FBLN2: variants seen among roughly 807,000 people sequenced by gnomAD.
FBLN2 encodes the protein fibulin-2.
FBLN2 carries 81 observed loss-of-function variants against 123.7 expected under a neutral mutation model. That is an observed-to-expected ratio of 0.65 (90% confidence interval 0.55 to 0.79). The LOEUF (loss-of-function observed/expected upper bound fraction) is 0.79. Ranked by LOEUF, FBLN2 falls within the 30% of genes least tolerant of loss-of-function variation. The pLI is 0.00. For synonymous variants in FBLN2, 699 were observed against 701.4 expected (o/e 1.00, Z 0.05); for missense variants, 1,603 against 1,681.3 (o/e 0.95, Z 0.81).
chr3:13,606,801 G>A (rs1475181471), intron 2 of FBLN2, among the ~76,000 whole-genome samples: 14 of 150,648 alleles, frequency 9.3e-5, no homozygotes, highest in South Asian at 4.2e-4. Context: ...ACAGGCATGC[G>A]CCACCATGCC....
rs1705788001 is a variant in FBLN2 at position 13,619,884 on chromosome 3, TG to T, written c.2155+58del. Reference sequence around the variant, plus strand: ...TGTGCAAACCTGAGTTGGCCTGTGATGGGGGCCTCCAGGTGGGGGTGGCTGA... The same window carrying T: ...TGTGCAAACCTGAGTTGGCCTGTGATGGGGCCTCCAGGTGGGGGTGGCTGA... On this transcript the variant is annotated intron_variant, in intron 8 of 17. Transcript: ENST00000404922. The T allele has an allele frequency of 2.1e-6, 3 of 1,443,926 alleles. No individual in the cohort carries two copies. The African/African-American group carries it at 4.3e-5, about 21-fold the overall frequency. The allele number at this position is 1,443,926 out of a possible 1,614,324, so 89.4% of individuals were successfully genotyped here. A position where few individuals can be genotyped will look rare whatever the true frequency, so the allele number is the denominator to read the frequency against.
chr3:13,635,960 G>C (rs911596499), intron 16 of FBLN2, among the ~76,000 whole-genome samples: 1 of 152,186 alleles, frequency 6.6e-6, no homozygotes, highest in African/African-American at 2.4e-5. Flanking sequence ...AGAGTGGTCA[G>C]GGAGGCCATC....
At chr3:13,607,990 G>A in intron 2 of FBLN2, 72 bp from the exon 3 acceptor site, 1 of 1,240,098 alleles carries the variant, frequency 8.1e-7, no homozygotes, top group Non-Finnish European at 1.1e-6. Flanking sequence ...AGGAGACCTG[G>A]ACAGGCCCCT....
chr3:13,561,689 C>T (rs1703612508), intron 1 of FBLN2, among the ~76,000 whole-genome samples: 1 of 152,250 alleles, frequency 6.6e-6, no homozygotes, highest in African/African-American at 2.4e-5. Context: ...GTCTCTGTCA[C>T]AACGCCCTTA....
chr3:13,585,575 T>G (rs1011760118), intron 2 of FBLN2, among the ~76,000 whole-genome samples: 9 of 152,216 alleles, frequency 5.9e-5, no homozygotes, highest in Admixed American at 1.3e-4. Flanking sequence ...TAGCCATTAC[T>G]CGTGTTTGTG....
chr3:13,585,470 A>T (rs1704467038), intron 2 of FBLN2, among the ~76,000 whole-genome samples: 2 of 152,144 alleles, frequency 1.3e-5, no homozygotes, highest in African/African-American at 4.8e-5. Context: ...CTGCATAATG[A>T]CATTTCCATC....
At chr3:13,618,840 G>A in intron 6 of FBLN2, 64 bp from the exon 7 acceptor site, 1 of 1,212,024 alleles carries the variant, frequency 8.3e-7, no homozygotes, top group Non-Finnish European at 1.2e-6. Context: ...GCCTGGAAGT[G>A]CCTGAGGCCT....
chr3:13,587,870 A>T (rs180774051), intron 2 of FBLN2, among the ~76,000 whole-genome samples: 3 of 152,154 alleles, frequency 2.0e-5, no homozygotes, highest in Non-Finnish European at 4.4e-5. Context: ...GCACCCCCCA[A>T]TCTTGCTTTG....
intron 7 of FBLN2, 139 bp from the exon 8 acceptor site, chr3:13,619,591 C>T: frequency 1.5e-6 from 1 of 685,648 alleles, no homozygotes; most frequent in South Asian, 1.7e-5. Context: ...AGTGGCGTTC[C>T]TTGTCTCCCA....
intron 8 of FBLN2, 149 bp downstream of exon 8, chr3:13,619,980 G>A (rs575249078): frequency 6.7e-6 from 4 of 599,974 alleles, no homozygotes; most frequent in Non-Finnish European, 1.2e-5. Flanking sequence ...AGTGGAGCAG[G>A]TTAAACAGTC....
intron 1 of FBLN2, among the ~76,000 whole-genome samples, chr3:13,550,963 G>A (rs922633306): frequency 2.0e-5 from 3 of 152,200 alleles, no homozygotes; most frequent in African/African-American, 4.8e-5. Context: ...CCGGATTTCC[G>A]TCTTCTCTTG....
chr3:13,594,943 T>C (rs1704792971), intron 2 of FBLN2, among the ~76,000 whole-genome samples: 1 of 152,182 alleles, frequency 6.6e-6, no homozygotes, highest in South Asian at 2.1e-4. Context: ...TTTCCTTTCT[T>C]TGATGCTTGG....
intron 2 of FBLN2, among the ~76,000 whole-genome samples, chr3:13,590,589 A>G (rs9854563): frequency 0.24 from 35,894 of 150,574 alleles, 5,658 homozygotes; most frequent in African/African-American, 0.44. Flanking sequence ...GCCTCCCAAA[A>G]TGCTGGGATT....
chr3:13,562,356 CTTTTT>C (rs377434279), intron 1 of FBLN2, among the ~76,000 whole-genome samples: 5 of 135,156 alleles, frequency 3.7e-5, no homozygotes, highest in East Asian at 2.1e-4. Flanking sequence ...ATGAAGTTTA[CTTTTT>C]TTTTTTTTTT....
intron 2 of FBLN2, among the ~76,000 whole-genome samples, chr3:13,575,756 T>C (rs1162565057): frequency 6.6e-6 from 1 of 152,092 alleles, no homozygotes; most frequent in Non-Finnish European, 1.5e-5. Context: ...TGCACCACGC[T>C]TCTGAGCCTG....
intron 11 of FBLN2, 38 bp from the exon 12 acceptor site, chr3:13,628,867 C>A: frequency 2.5e-6 from 4 of 1,601,162 alleles, no homozygotes; most frequent in Non-Finnish European, 2.6e-6. Context: ...GGGAGGACAC[C>A]ATGCCGGGCT....
intron 16 of FBLN2, among the ~76,000 whole-genome samples, chr3:13,631,965 G>T (rs1303138407): frequency 6.8e-6 from 1 of 146,566 alleles, no homozygotes; most frequent in African/African-American, 2.5e-5. Context: ...GTGTAGAGCT[G>T]GGAGGGGCTG....
intron 2 of FBLN2, among the ~76,000 whole-genome samples, chr3:13,592,794 A>G (rs886851772): frequency 6.6e-6 from 1 of 152,148 alleles, no homozygotes; most frequent in Non-Finnish European, 1.5e-5. Context: ...TTTCTGGCTT[A>G]TATTAGTTTG....
intron 2 of FBLN2, among the ~76,000 whole-genome samples, chr3:13,606,773 T>C (rs1705218149): frequency 6.6e-6 from 1 of 152,104 alleles, no homozygotes; most frequent in South Asian, 2.1e-4. Context: ...TGCCTCAGCC[T>C]CCCGAGTAGC....
Sources: allele counts gnomAD v4.1 joint callset (sites outside exome capture counted in the v4.1 genomes callset), GRCh38; gene constraint gnomAD v4.1.1; transcripts MANE v1.5; gene names NCBI Gene and HGNC (gene_info 2026-07-23, HGNC 2026-07-21).